TRIO: variants seen among roughly 807,000 people sequenced by gnomAD.
TRIO encodes the protein trio Rho guanine nucleotide exchange factor.
A neutral mutation model predicts 351.9 loss-of-function variants in TRIO; 58 were observed. The ratio of observed to expected loss-of-function variants is 0.16; its 90% CI spans 0.13 to 0.21. TRIO has a LOEUF of 0.21. TRIO is among the 10% of genes least tolerant of loss of function. The pLI, the probability that TRIO is intolerant of heterozygous loss-of-function variation, is 1.00. For synonymous variants in TRIO, 1,758 were observed against 1,595.7 expected (o/e 1.10, Z -2.42); for missense variants, 3,201 against 4,027.8 (o/e 0.79, Z 5.56).
chr5:14,433,544 C>A (rs1751348211), intron 34 of TRIO, among the ~76,000 whole-genome samples: 1 of 152,074 alleles, frequency 6.6e-6, no homozygotes, highest in South Asian at 2.1e-4. Flanking sequence ...AAAACAAGGG[C>A]CAGGGAGGTG....
At chr5:14,505,353 C>G (rs1339083392) in intron 55 of TRIO, among the ~76,000 whole-genome samples, 2 of 152,248 alleles carry the variant, frequency 1.3e-5, no homozygotes, top group Admixed American at 6.5e-5. Flanking sequence ...CCCCAAACAT[C>G]TGTGCATTTA....
At chr5:14,351,557 C>T (rs1369804924) in intron 11 of TRIO, among the ~76,000 whole-genome samples, 1 of 152,216 alleles carries the variant, frequency 6.6e-6, no homozygotes, top group Admixed American at 6.5e-5. Flanking sequence ...AGCTTCTGTT[C>T]ACCAAGTGCT....
chr5:14,211,892 A>G lies in TRIO; in HGVS notation c.158-58933A>G, dbSNP rs562744453. 3.3e-5 allele frequency among the ~76,000 whole-genome samples: 5 copies of G among 151,824 alleles called. No homozygotes were observed. The East Asian group carries it at 9.7e-4, about 29-fold the overall frequency. ...TTTGAGAGGCCAAAGTAGAAGGATC[A>G]CTTGAGCCCTGGAGTTCAAGACCAG... On this transcript the variant is annotated intron_variant, in intron 1 of 56. Transcript: ENST00000344204.
intron 1 of TRIO, among the ~76,000 whole-genome samples, chr5:14,225,519 T>C (rs1415177089): frequency 6.6e-6 from 1 of 152,086 alleles, no homozygotes; most frequent in Non-Finnish European, 1.5e-5. Context: ...TCACTGTGGT[T>C]GTAGGACTGA....
chr5:14,336,503 C>T (rs748785691), intron 10 of TRIO, 33 bp from the exon 11 acceptor site: 1 of 1,605,968 alleles, frequency 6.2e-7, no homozygotes, highest in East Asian at 2.2e-5. Flanking sequence ...TTTTCACTTA[C>T]CTTCTGTTTC....
intron 49 of TRIO, among the ~76,000 whole-genome samples, chr5:14,495,841 G>A (rs1010619944): frequency 1.2e-4 from 18 of 151,880 alleles, no homozygotes; most frequent in African/African-American, 2.2e-4. Context: ...AGTGGCAGGC[G>A]CCTGTAGTCC....
In TRIO at chr5:14,472,586, C is replaced by T. The variant is rs762235940; in HGVS notation, c.5913-6C>T. 1.2e-6 allele frequency: 2 copies of T among 1,613,740 alleles called. No individual in the cohort carries two copies. The highest frequency in any genetic ancestry group is 1.7e-5 in the Admixed American group (1 of 59,966). Reference sequence around the variant, plus strand: ...TTGCATGATAAACAATATTTTTTCTCTCCAGCTACGTTTTGCAAGAACTAG... The same window carrying T: ...TTGCATGATAAACAATATTTTTTCTTTCCAGCTACGTTTTGCAAGAACTAG... On this transcript the variant is annotated splice_region_variant and splice_polypyrimidine_tract_variant and intron_variant, in intron 38 of 56. Coordinates refer to ENST00000344204, the MANE Select transcript of TRIO (RefSeq NM_007118.4).
At chr5:14,204,145 G>A (rs557526756) in intron 1 of TRIO, among the ~76,000 whole-genome samples, 1 of 152,178 alleles carries the variant, frequency 6.6e-6, no homozygotes, top group African/African-American at 2.4e-5. Context: ...CTTGTTTTGA[G>A]TTGTGTGTCT....
At chr5:14,379,093 TGGG>T (rs1297703513) in intron 20 of TRIO, among the ~76,000 whole-genome samples, 2 of 152,162 alleles carry the variant, frequency 1.3e-5, no homozygotes, top group Admixed American at 6.5e-5. Context: ...ATCCAGAATT[TGGG>T]GGGTCTGGAG....
At chr5:14,200,983 G>A (rs1394696922) in intron 1 of TRIO, among the ~76,000 whole-genome samples, 1 of 151,722 alleles carries the variant, frequency 6.6e-6, no homozygotes, top group Non-Finnish European at 1.5e-5. Context: ...TCTCGGCTGG[G>A]CGCGGTGGCT....
At chr5:14,175,719 AACTCCCCTGT>A (rs1789364182) in intron 1 of TRIO, among the ~76,000 whole-genome samples, 1 of 152,232 alleles carries the variant, frequency 6.6e-6, no homozygotes, top group South Asian at 2.1e-4. Context: ...ATATTTGGGA[AACTCCCCTGT>A]ACAATAATGT....
At chr5:14,507,394 A>T in intron 56 of TRIO, 134 bp downstream of exon 56, 1 of 1,266,892 alleles carries the variant, frequency 7.9e-7, no homozygotes, top group Non-Finnish European at 1.1e-6. Flanking sequence ...GGGGCAGCGC[A>T]GACACTGATT....
chr5:14,292,519 A>G (rs934015745), intron 5 of TRIO, among the ~76,000 whole-genome samples: 4 of 152,190 alleles, frequency 2.6e-5, no homozygotes, highest in Non-Finnish European at 5.9e-5. Flanking sequence ...TGTTTTTGCA[A>G]TCTGCACAGG....
chr5:14,372,985 C>T (rs1342994225), intron 18 of TRIO, among the ~76,000 whole-genome samples: 2 of 152,178 alleles, frequency 1.3e-5, no homozygotes, highest in African/African-American at 4.8e-5. Context: ...AACTTACAGT[C>T]ACTGCAGAAG....
intron 1 of TRIO, among the ~76,000 whole-genome samples, chr5:14,217,335 C>T (rs1287965937): frequency 6.6e-6 from 1 of 152,128 alleles, no homozygotes; most frequent in Non-Finnish European, 1.5e-5. Flanking sequence ...AAAGGAAATG[C>T]TATCCCTACA....
chr5:14,246,865 A>T (rs1024600044), intron 1 of TRIO, among the ~76,000 whole-genome samples: 7 of 152,150 alleles, frequency 4.6e-5, no homozygotes, highest in African/African-American at 1.7e-4. Context: ...GTTCCTTGGC[A>T]TGGTGGTGCC....
At chr5:14,297,957 C>T (rs1458452528) in intron 7 of TRIO, among the ~76,000 whole-genome samples, 1 of 152,188 alleles carries the variant, frequency 6.6e-6, no homozygotes, top group Non-Finnish European at 1.5e-5. Flanking sequence ...GCCCCGCCCC[C>T]AGCACATTTC....
intron 34 of TRIO, among the ~76,000 whole-genome samples, chr5:14,426,432 G>C (rs1750646750): frequency 6.6e-6 from 1 of 152,140 alleles, no homozygotes; most frequent in African/African-American, 2.4e-5. Context: ...ATAAATCTTG[G>C]TCTAGTTAGC....
rs1561540239 is a variant in TRIO at position 14,481,589 on chromosome 5, A to G, written c.6436A>G (p.Met2146Val). 1.2e-6 allele frequency: 2 copies of G among 1,614,026 alleles called. No homozygotes were observed. Among genetic ancestry groups the G allele is most frequent in the Non-Finnish European group, 8.5e-7 (1 of 1,180,000 alleles). Residue 2146 changes from methionine to valine, a missense_variant, in exon 45 of 57, where the codon ATG becomes GTG. Transcript: ENST00000344204. The stretch of plus-strand genomic sequence containing the variant: ...AGTACCCAGGCGGTGCAACGACATG[A>G]TGAACGTGGGGCGGCTGCAAGGATT... Reference protein sequence around the residue: ...CIVPRRCNDMMNVGRLQGFDG... With the variant: ...CIVPRRCNDMVNVGRLQGFDG...
Sources: gnomAD v4.1 joint callset for allele counts (sites outside exome capture counted in the v4.1 genomes callset) on GRCh38, gnomAD v4.1.1 for gene constraint, MANE v1.5 for transcripts, NCBI Gene and HGNC (gene_info 2026-07-23, HGNC 2026-07-21) for gene names.